Variants in SPAG16 observed in about 807,000 individuals in gnomAD.
SPAG16 encodes the protein sperm-associated antigen 16 protein.
In SPAG16, 86 loss-of-function variants were observed where a neutral mutation model predicts 80.4. That is an observed-to-expected ratio of 1.07 (90% CI 0.90 to 1.28). The LOEUF (loss-of-function observed/expected upper bound fraction) is 1.28. Among genes scored for constraint, SPAG16 ranks in the 50% most tolerant of loss-of-function variants. The probability of loss-of-function intolerance (pLI) is 0.00; values close to 1 mark genes in which losing one functional copy is unlikely to be tolerated. For missense variants in SPAG16, 870 were observed against 765.3 expected, an observed-to-expected ratio of 1.14 and a Z score of -1.61; for synonymous variants, 294 against 265.9, an observed-to-expected ratio of 1.11 and a Z score of -1.03.
chr2:213,947,931 C>T (rs1024505797), intron 12 of SPAG16, among the ~76,000 whole-genome samples: 2 of 151,936 alleles, frequency 1.3e-5, no homozygotes, highest in Non-Finnish European at 2.9e-5. Context: ...TTCTATTTTC[C>T]TTGTCTTGCC....
At chr2:213,527,725 G>A (rs913826507) in intron 10 of SPAG16, among the ~76,000 whole-genome samples, 1 of 152,064 alleles carries the variant, frequency 6.6e-6, no homozygotes, top group Non-Finnish European at 1.5e-5. Flanking sequence ...AAGTGAAACG[G>A]AATCAGCCAC....
chr2:214,120,873 A>G (rs2054187631), intron 14 of SPAG16, among the ~76,000 whole-genome samples: 1 of 151,812 alleles, frequency 6.6e-6, no homozygotes, highest in Non-Finnish European at 1.5e-5. Flanking sequence ...CTGACCCCCA[A>G]AGTTACCATT....
chr2:214,275,974 C>CAAAATATA (rs1692434857), intron 15 of SPAG16, among the ~76,000 whole-genome samples: 2 of 152,126 alleles, frequency 1.3e-5, no homozygotes, highest in Admixed American at 6.5e-5. Context: ...CATCTGGGTG[C>CAAAATATA]TCCTGTATTG....
intron 9 of SPAG16, among the ~76,000 whole-genome samples, chr2:213,469,547 G>C (rs1278140006): frequency 7.3e-6 from 1 of 137,768 alleles, no homozygotes; most frequent in Non-Finnish European, 1.6e-5. Context: ...TATTCCCTTT[G>C]CCTTCAGCAA....
At chr2:213,495,840 A>G (rs1026486947) in intron 10 of SPAG16, among the ~76,000 whole-genome samples, 8 of 152,196 alleles carry the variant, frequency 5.3e-5, no homozygotes, top group African/African-American at 1.9e-4. Context: ...AGGTGGGAGC[A>G]TATCCAAAAT....
At chr2:214,138,579 C>G (rs1386843371) in intron 14 of SPAG16, among the ~76,000 whole-genome samples, 1 of 152,128 alleles carries the variant, frequency 6.6e-6, no homozygotes, top group Non-Finnish European at 1.5e-5. Flanking sequence ...CAAACCTAGA[C>G]TTCAGACTGA....
intron 5 of SPAG16, among the ~76,000 whole-genome samples, chr2:213,329,039 CT>C: frequency 6.6e-6 from 1 of 152,130 alleles, no homozygotes; most frequent in East Asian, 1.9e-4. Context: ...GTGGCTTGCT[CT>C]TTTTGTCTTG....
At chr2:213,677,583 A>T (rs2064151509) in intron 10 of SPAG16, among the ~76,000 whole-genome samples, 1 of 152,140 alleles carries the variant, frequency 6.6e-6, no homozygotes, top group African/African-American at 2.4e-5. Flanking sequence ...CTAAATATAT[A>T]TGCACCCAAT....
intron 15 of SPAG16, among the ~76,000 whole-genome samples, chr2:214,381,430 GC>G (rs1559258324): frequency 6.6e-6 from 1 of 152,100 alleles, no homozygotes; most frequent in Non-Finnish European, 1.5e-5. Context: ...TAAAGATGTT[GC>G]CTATTTTCAG....
chr2:214,033,407 A>C (rs2048524517), intron 13 of SPAG16, among the ~76,000 whole-genome samples: 1 of 152,230 alleles, frequency 6.6e-6, no homozygotes, highest in Non-Finnish European at 1.5e-5. Flanking sequence ...TGATCTGATT[A>C]TATTTTCGAA....
chr2:213,674,753 A>G (rs2063974918), intron 10 of SPAG16, among the ~76,000 whole-genome samples: 1 of 150,412 alleles, frequency 6.6e-6, no homozygotes, highest in Non-Finnish European at 1.5e-5. Flanking sequence ...CATGGTGTAT[A>G]TGTGCCACAT....
chr2:213,812,112 C>A (rs1358667269), intron 10 of SPAG16, among the ~76,000 whole-genome samples: 2 of 152,068 alleles, frequency 1.3e-5, no homozygotes, highest in Admixed American at 6.6e-5. Context: ...GTTACAGGAA[C>A]CTGATAAGTG....
intron 15 of SPAG16, among the ~76,000 whole-genome samples, chr2:214,368,550 T>G (rs1285846633): frequency 6.6e-6 from 1 of 152,090 alleles, no homozygotes; most frequent in African/African-American, 2.4e-5. Context: ...TTCACCCTGT[T>G]TTGAAGCAAA....
At chr2:213,522,421 A>G (rs1241672787) in intron 10 of SPAG16, among the ~76,000 whole-genome samples, 2 of 152,218 alleles carry the variant, frequency 1.3e-5, no homozygotes, top group Middle Eastern at 3.2e-3. Context: ...GCTATTTAAA[A>G]AGGGGGGTGG....
chr2:213,977,467 C>T (rs910146549), intron 12 of SPAG16, among the ~76,000 whole-genome samples: 1 of 151,890 alleles, frequency 6.6e-6, no homozygotes, highest in Non-Finnish European at 1.5e-5. Flanking sequence ...TGGCAGACAA[C>T]AGAGGATAAT....
chr2:214,373,932 T>C (rs984853985), intron 15 of SPAG16, among the ~76,000 whole-genome samples: 3 of 152,206 alleles, frequency 2.0e-5, no homozygotes, highest in Admixed American at 6.5e-5. Context: ...AACTGAACCA[T>C]GTTCCAGGGA....
At chr2:213,839,952 G>A (rs550529986) in intron 10 of SPAG16, among the ~76,000 whole-genome samples, 4 of 152,244 alleles carry the variant, frequency 2.6e-5, no homozygotes, top group African/African-American at 9.6e-5. Context: ...TAAAAAGGTA[G>A]GAAAAGAACA....
Position 213,702,988 on chromosome 2 carries a change from A to G in SPAG16, c.1071-159497A>G, listed in dbSNP as rs562831197. Among the ~76,000 whole-genome samples, 9 of 152,288 alleles carry G rather than the reference A, an allele frequency of 5.9e-5. No homozygotes were observed. The South Asian group carries it at 8.3e-4, about 14-fold the overall frequency. ...TGTGGGAGGATTATACCTGCCCACA[A>G]TGTGAAACTCAGGTGTGCTCATGTG... On this transcript the variant is annotated intron_variant, in intron 10 of 15. Coordinates refer to ENST00000331683, the MANE Select transcript of SPAG16 (RefSeq NM_024532.5).
At chr2:213,329,878 G>A (rs1252450889) in intron 5 of SPAG16, among the ~76,000 whole-genome samples, 2 of 152,200 alleles carry the variant, frequency 1.3e-5, no homozygotes, top group East Asian at 3.9e-4. Flanking sequence ...GGGACTTGGT[G>A]CCTTGCATCT....
Sources: gnomAD v4.1 joint callset for allele counts (sites outside exome capture counted in the v4.1 genomes callset) on GRCh38, gnomAD v4.1.1 for gene constraint, MANE v1.5 for transcripts, NCBI Gene and HGNC (gene_info 2026-07-23, HGNC 2026-07-21) for gene names.